The following TRPC4 variants were observed in gnomAD, a reference collection of about 807,000 sequenced individuals.
TRPC4 encodes the protein transient receptor potential cation channel subfamily C member 4, also known as short transient receptor potential channel 4.
A neutral mutation model predicts 99.4 loss-of-function variants in TRPC4; 49 were observed. That is an observed-to-expected ratio of 0.49 (90% confidence interval 0.39 to 0.63). TRPC4 has a LOEUF of 0.63. Ranked by LOEUF, TRPC4 falls within the 20% of genes least tolerant of loss-of-function variation. TRPC4 has a pLI of 0.00. For missense variants in TRPC4, 898 were observed against 1,152.9 expected (o/e 0.78, Z 3.20); for synonymous variants, 454 against 425.9 (o/e 1.07, Z -0.81).
At chr13:37,839,020 T>C (rs1359463189) in intron 1 of TRPC4, among the ~76,000 whole-genome samples, 4 of 152,210 alleles carry the variant, frequency 2.6e-5, no homozygotes, top group Non-Finnish European at 5.9e-5. Flanking sequence ...CTTATATATA[T>C]CTTATAAAGT....
rs1247761040 is a variant in TRPC4, at chr13:37,639,123, T to G, written c.2128A>C (p.Met710Leu). 6.2e-7 allele frequency: 1 copy of G among 1,613,706 alleles called. No homozygotes were observed. Among genetic ancestry groups the G allele is most frequent in the Admixed American group, 1.7e-5 (1 of 60,014 alleles). Reference protein sequence around the residue: ...LRRHHQYQEVMRNLVKRYVAA... With the variant: ...LRRHHQYQEVLRNLVKRYVAA... ...ACGTATCGCTTCACCAGGTTCCTCA[T>G]AACTTCCTGAGGCATTTTAGAACAA... The change falls in exon 10 of 11, where the codon ATG becomes CTG. Residue 710 changes from methionine to leucine, a missense_variant. Met to Leu is a conservative substitution (Grantham distance 15). Transcript: ENST00000379705.
chr13:37,821,891 C>A (rs534529262), intron 1 of TRPC4, among the ~76,000 whole-genome samples: 1 of 152,202 alleles, frequency 6.6e-6, no homozygotes, highest in East Asian at 1.9e-4. Context: ...CCATTCCAGA[C>A]ACAGGCCCTG....
chr13:37,678,033 C>G (rs1953117450), intron 4 of TRPC4, among the ~76,000 whole-genome samples: 1 of 151,924 alleles, frequency 6.6e-6, no homozygotes, highest in Non-Finnish European at 1.5e-5. Context: ...TCTTTCGGCT[C>G]AAATAGGAAT....
At chr13:37,767,526 C>T (rs146657535) in intron 2 of TRPC4, among the ~76,000 whole-genome samples, 62 of 151,200 alleles carry the variant, frequency 4.1e-4, no homozygotes, top group Non-Finnish European at 7.7e-4. Flanking sequence ...CTCAGAACCC[C>T]GTACTCCACT....
intron 3 of TRPC4, among the ~76,000 whole-genome samples, chr13:37,695,999 T>C (rs1376139847): frequency 3.9e-5 from 6 of 152,186 alleles, no homozygotes; most frequent in Non-Finnish European, 7.3e-5. Context: ...TCAGTTTTTA[T>C]ACCGCTGATA....
intron 1 of TRPC4, among the ~76,000 whole-genome samples, chr13:37,788,954 C>G (rs899773152): frequency 2.6e-5 from 4 of 152,044 alleles, no homozygotes; most frequent in Admixed American, 6.6e-5. Flanking sequence ...CATTCCCTCA[C>G]TAAAATGTTG....
In TRPC4 at chr13:37,651,443, T is replaced by G; in HGVS notation, c.1901A>C (p.Glu634Ala). 6.2e-7 allele frequency: 1 copy of G among 1,613,966 alleles called. No individual in the cohort carries two copies. The highest frequency in any genetic ancestry group is 8.5e-7 in the Non-Finnish European group (1 of 1,179,902). Residue 634 changes from glutamate (E) to alanine (A), a missense_variant, in exon 8 of 11, where the codon GAA becomes GCA. Coordinates refer to ENST00000379705, the MANE Select transcript of TRPC4 (RefSeq NM_016179.4). ...YQLIADHADI[E>A]WKFARTKLWM... ...AAGCTTTGTTCGTGCAAATTTCCATTCTATATCTGCATGGTCCTGAACAGG... is the reference window on the plus strand; with the variant it reads ...AAGCTTTGTTCGTGCAAATTTCCATGCTATATCTGCATGGTCCTGAACAGG...
Position 37,674,099 on chromosome 13 carries a change from A to T in TRPC4, c.1374+129T>A, listed in dbSNP as rs141968823. ...TTATCCCTATATATCTATCAATAAA[A>T]CCATGAGCTGATGAATACGACATCC... On this transcript the variant is annotated intron_variant, in intron 5 of 10. Transcript: ENST00000379705. 5.2e-4 allele frequency: 448 copies of T among 853,832 alleles called. 1 individual carries two copies. The African/African-American group carries it at 7.5e-3, about 14-fold the overall frequency. 52.9% of individuals were successfully genotyped at this position (853,832 alleles called of 1,614,324 possible).
At chr13:37,819,974 TA>T (rs1466114340) in intron 1 of TRPC4, among the ~76,000 whole-genome samples, 1 of 151,796 alleles carries the variant, frequency 6.6e-6, no homozygotes, top group African/African-American at 2.4e-5. Context: ...AATTGAGATG[TA>T]AAAAACCACA....
chr13:37,841,424 A>G (rs1391072458), intron 1 of TRPC4, among the ~76,000 whole-genome samples: 2 of 152,082 alleles, frequency 1.3e-5, no homozygotes, highest in Non-Finnish European at 2.9e-5. Context: ...GTTAGATTTC[A>G]TTAAAATTTA....
In TRPC4 at chr13:37,856,111, A is replaced by G. The variant is rs941676871; in HGVS notation, c.-28+13484T>C. Among the ~76,000 whole-genome samples the G allele has an allele frequency of 3.3e-5, 5 of 151,912 alleles. No homozygotes were observed. In the East Asian group the frequency reaches 7.7e-4, roughly 23 times the overall value. On this transcript the variant is annotated intron_variant, in intron 1 of 10. Coordinates refer to ENST00000379705, the MANE Select transcript of TRPC4 (RefSeq NM_016179.4). Reference sequence around the variant, plus strand: ...CAAAAAGTTTGTTTTTTGAAAAGATATACAAAACTGACAAACCTCTGGCCT... The same window carrying G: ...CAAAAAGTTTGTTTTTTGAAAAGATGTACAAAACTGACAAACCTCTGGCCT...
At chr13:37,648,655 G>T (rs1482589880) in intron 8 of TRPC4, among the ~76,000 whole-genome samples, 1 of 152,138 alleles carries the variant, frequency 6.6e-6, no homozygotes, top group African/African-American at 2.4e-5. Flanking sequence ...GAAATGTGTG[G>T]GTTCCTTTTG....
intron 3 of TRPC4, among the ~76,000 whole-genome samples, chr13:37,740,925 T>C (rs556426131): frequency 1.3e-5 from 2 of 152,314 alleles, no homozygotes; most frequent in South Asian, 2.1e-4. Context: ...TGTTCAAATG[T>C]TGATTTTTCT....
intron 3 of TRPC4, among the ~76,000 whole-genome samples, chr13:37,717,829 C>G (rs191147984): frequency 6.6e-6 from 1 of 151,990 alleles, no homozygotes. Context: ...ACCAACCCCC[C>G]CGAAAAGAAC....
chr13:37,675,142 TA>T (rs1466092086), intron 4 of TRPC4, among the ~76,000 whole-genome samples: 1 of 152,160 alleles, frequency 6.6e-6, no homozygotes, highest in Non-Finnish European at 1.5e-5. Context: ...GAGAATTTTT[TA>T]GGATAATACT....
intron 8 of TRPC4, among the ~76,000 whole-genome samples, chr13:37,646,300 G>A (rs1056572593): frequency 6.3e-4 from 95 of 151,940 alleles, no homozygotes; most frequent in African/African-American, 2.2e-3. Flanking sequence ...ACCAAAAAGC[G>A]GAAAACATAA....
At chr13:37,801,124 TA>T (rs1216199841) in intron 1 of TRPC4, among the ~76,000 whole-genome samples, 1 of 152,042 alleles carries the variant, frequency 6.6e-6, no homozygotes, top group African/African-American at 2.4e-5. Context: ...TTGCCATAAA[TA>T]AAAAAATATG....
intron 1 of TRPC4, among the ~76,000 whole-genome samples, chr13:37,852,914 T>C (rs1177617579): frequency 6.6e-6 from 1 of 152,100 alleles, no homozygotes; most frequent in Admixed American, 6.5e-5. Context: ...AAGGACTTCC[T>C]ATTGTGGTCT....
At chr13:37,803,588 G>A (rs1032848622) in intron 1 of TRPC4, among the ~76,000 whole-genome samples, 4 of 152,048 alleles carry the variant, frequency 2.6e-5, no homozygotes, top group African/African-American at 7.2e-5. Context: ...AGACACTGTA[G>A]TATACTGAGA....
Sources: gnomAD v4.1 joint callset for allele counts (sites outside exome capture counted in the v4.1 genomes callset) on GRCh38, gnomAD v4.1.1 for gene constraint, MANE v1.5 for transcripts, NCBI Gene and HGNC (gene_info 2026-07-23, HGNC 2026-07-21) for gene names.